Variants in IMMP2L observed in about 807,000 individuals in gnomAD.
IMMP2L encodes the protein mitochondrial inner membrane protease subunit 2.
In IMMP2L, 18 loss-of-function variants were observed where a neutral mutation model predicts 19.3. The observed-to-expected ratio is 0.93, with a 90% CI of 0.64 to 1.38. The LOEUF (loss-of-function observed/expected upper bound fraction) is 1.38, where lower values mean the gene tolerates loss of function less well. IMMP2L is among the 40% of genes most tolerant of loss of function. The pLI, the probability that IMMP2L is intolerant of heterozygous loss-of-function variation, is 0.00. For missense variants in IMMP2L, 233 were observed against 218.2 expected (o/e 1.07, Z -0.43); for synonymous variants, 76 against 73.0 (o/e 1.04, Z -0.21).
intron 3 of IMMP2L, among the ~76,000 whole-genome samples, chr7:111,387,988 A>ACAAAAAAAAAAAAAAAAC (rs1831948376): frequency 6.6e-6 from 1 of 150,682 alleles, no homozygotes; most frequent in African/African-American, 2.5e-5. Context: ...AAAAAAAAAA[A>ACAAAAAAAAAAAAAAAAC]AAAAAAAAAA....
rs898417625 is a variant in IMMP2L, at chr7:110,758,665, G to T, written c.409-94944C>A. On this transcript the variant is annotated intron_variant, in intron 5 of 5. Coordinates refer to ENST00000405709, the MANE Select transcript of IMMP2L (RefSeq NM_032549.4). The surrounding 1 kb of genome is among the most constrained non-coding windows in gnomAD (Gnocchi z 4.6). ...CTTCCAATACTTTGTGAGCAGTTAG[G>T]ACGTTAGTATATAATCAAGATCTTG... Among the ~76,000 whole-genome samples the T allele has an allele frequency of 6.6e-6, 1 of 152,186 alleles. No homozygotes were observed.
At chr7:111,267,330 C>T (rs1817940339) in intron 3 of IMMP2L, among the ~76,000 whole-genome samples, 1 of 151,762 alleles carries the variant, frequency 6.6e-6, no homozygotes, top group Admixed American at 6.6e-5. Context: ...TTGTAAAGTC[C>T]TTTGAAAATG....
intron 3 of IMMP2L, among the ~76,000 whole-genome samples, chr7:111,393,806 T>C (rs924959553): frequency 6.6e-6 from 1 of 152,278 alleles, no homozygotes; most frequent in South Asian, 2.1e-4. Context: ...TACTTGAAGA[T>C]ATGCAGACCC....
At chr7:111,199,229 T>A (rs896917399) in intron 3 of IMMP2L, among the ~76,000 whole-genome samples, 1 of 152,200 alleles carries the variant, frequency 6.6e-6, no homozygotes, top group Non-Finnish European at 1.5e-5. Context: ...ATATAATGTA[T>A]ATTAACTCAA....
chr7:110,664,378 AAG>A (rs1791295429), intron 5 of IMMP2L, among the ~76,000 whole-genome samples: 1 of 152,064 alleles, frequency 6.6e-6, no homozygotes, highest in Non-Finnish European at 1.5e-5. Flanking sequence ...GTGGAAAACA[AAG>A]AGAAAGCAAA....
At chr7:111,313,940 G>A (rs1466019579) in intron 3 of IMMP2L, among the ~76,000 whole-genome samples, 2 of 151,974 alleles carry the variant, frequency 1.3e-5, no homozygotes, top group African/African-American at 2.4e-5. Context: ...GTGAGTTCTC[G>A]CAAGATCTAG....
chr7:111,279,772 T>C (rs1010019526), intron 3 of IMMP2L, among the ~76,000 whole-genome samples: 1 of 152,002 alleles, frequency 6.6e-6, no homozygotes, highest in East Asian at 1.9e-4. Context: ...TAAACAGACA[T>C]ATAAAGAGGC....
intron 3 of IMMP2L, among the ~76,000 whole-genome samples, chr7:111,184,914 A>G (rs1586731490): frequency 6.6e-6 from 1 of 152,304 alleles, no homozygotes; most frequent in Non-Finnish European, 1.5e-5. Flanking sequence ...ATAAGTTAGT[A>G]AGTATAAAAA....
chr7:111,106,504 A>G (rs1020243172), intron 3 of IMMP2L, among the ~76,000 whole-genome samples: 6 of 151,784 alleles, frequency 4.0e-5, no homozygotes, highest in African/African-American at 9.7e-5. Flanking sequence ...GTCTTCTACC[A>G]TCACCATTTT....
intron 1 of IMMP2L, among the ~76,000 whole-genome samples, chr7:111,529,569 T>A (rs1446580090): frequency 5.9e-5 from 9 of 151,586 alleles, no homozygotes; most frequent in African/African-American, 1.9e-4. Flanking sequence ...AAATGGCACA[T>A]ACACAAAAAA....
At chr7:110,984,870 T>A (rs892528987) in intron 3 of IMMP2L, among the ~76,000 whole-genome samples, 1 of 152,104 alleles carries the variant, frequency 6.6e-6, no homozygotes, top group Non-Finnish European at 1.5e-5. Flanking sequence ...TGAGCTTTCA[T>A]AGCAAAGGGA....
chr7:110,681,283 G>A (rs1050037499), intron 5 of IMMP2L, among the ~76,000 whole-genome samples: 4 of 152,024 alleles, frequency 2.6e-5, no homozygotes, highest in South Asian at 2.1e-4. Flanking sequence ...TCACTATACC[G>A]ATCAGTGAAA....
intron 5 of IMMP2L, among the ~76,000 whole-genome samples, chr7:110,688,673 T>C (rs1194097776): frequency 6.6e-6 from 1 of 152,084 alleles, no homozygotes. Context: ...TGTATTCTAA[T>C]ACTGAAATTC....
At chr7:111,551,958 C>CAA (rs1790713008) in intron 1 of IMMP2L, among the ~76,000 whole-genome samples, 2 of 152,098 alleles carry the variant, frequency 1.3e-5, no homozygotes, top group African/African-American at 4.8e-5. Flanking sequence ...AGAAGGCATT[C>CAA]AGAGGTTTCC....
At chr7:110,879,395 A>T (rs1769555690) in intron 5 of IMMP2L, among the ~76,000 whole-genome samples, 1 of 151,878 alleles carries the variant, frequency 6.6e-6, no homozygotes, top group African/African-American at 2.4e-5. Context: ...CTCAAAAAAA[A>T]AAAAGGAAGT....
chr7:111,289,055 T>A (rs1438130760), intron 3 of IMMP2L, among the ~76,000 whole-genome samples: 1 of 152,094 alleles, frequency 6.6e-6, no homozygotes, highest in Non-Finnish European at 1.5e-5. Flanking sequence ...AAAGAAAATG[T>A]GGCACATATA....
At chr7:111,073,589 T>C (rs1249329448) in intron 3 of IMMP2L, among the ~76,000 whole-genome samples, 1 of 152,152 alleles carries the variant, frequency 6.6e-6, no homozygotes, top group African/African-American at 2.4e-5. Flanking sequence ...TCCCATTTGC[T>C]TAACAAGTCT....
chr7:111,444,467 C>T (rs914474850), intron 3 of IMMP2L, among the ~76,000 whole-genome samples: 4 of 152,038 alleles, frequency 2.6e-5, no homozygotes, highest in Non-Finnish European at 4.4e-5. Context: ...ACAGTAAGTG[C>T]CTCTAGGGGT....
rs1244551152 is a variant in IMMP2L, at chr7:110,663,211, T to G, written c.*391A>C. 5.0e-6 allele frequency: 1 copy of G among 198,536 alleles called. No individual in the cohort carries two copies. The highest frequency in any genetic ancestry group is 1.7e-4 in the East Asian group (1 of 6,004). The allele number at this position is 198,536 out of a possible 1,614,324, so 12.3% of individuals were successfully genotyped here. A position where few individuals can be genotyped will look rare whatever the true frequency, so the allele number is the denominator to read the frequency against. On this transcript the variant is annotated 3_prime_UTR_variant, in exon 6 of 6. Transcript: ENST00000405709. ...TTAACAGCAAGTGACAAATACATCA[T>G]TTTTATTGAATATTAATTTTCAATT...
Sources: gnomAD v4.1 joint callset for allele counts (sites outside exome capture counted in the v4.1 genomes callset) on GRCh38, gnomAD v4.1.1 for gene constraint, Gnocchi (gnomAD v3.1) non-coding constraint, MANE v1.5 for transcripts, NCBI Gene and HGNC (gene_info 2026-07-23, HGNC 2026-07-21) for gene names.